KCNMA1: variants seen among roughly 807,000 people sequenced by gnomAD.
KCNMA1 encodes the protein potassium calcium-activated channel subfamily M alpha 1, also known as Calcium-activated potassium channel subunit alpha-1.
Under a neutral mutation model 140.0 loss-of-function variants are expected in KCNMA1, and 29 were observed. The observed-to-expected ratio is 0.21, with a 90% CI of 0.15 to 0.28. The LOEUF is 0.28. Ranked by LOEUF, KCNMA1 falls within the 10% of genes least tolerant of loss-of-function variation. KCNMA1 has a pLI of 1.00. For missense variants in KCNMA1, 880 were observed against 1,602.2 expected, an observed-to-expected ratio of 0.55 and a Z score of 7.70; for synonymous variants, 612 against 611.9, an observed-to-expected ratio of 1.00 and a Z score of 0.00.
At chr10:77,335,966 C>T (rs1234335428) in intron 2 of KCNMA1, among the ~76,000 whole-genome samples, 1 of 152,090 alleles carries the variant, frequency 6.6e-6, no homozygotes, top group African/African-American at 2.4e-5. Flanking sequence ...AGGTGAGAAA[C>T]TGGGATGGGA....
intron 18 of KCNMA1, among the ~76,000 whole-genome samples, chr10:77,007,357 C>A (rs2089175988): frequency 6.6e-6 from 1 of 152,048 alleles, no homozygotes; most frequent in South Asian, 2.1e-4. Flanking sequence ...TGGGTGTGTC[C>A]TACTGAGTAC....
chr10:77,382,292 T>C (rs2095417750), intron 2 of KCNMA1, among the ~76,000 whole-genome samples: 1 of 152,214 alleles, frequency 6.6e-6, no homozygotes, highest in Non-Finnish European at 1.5e-5. Flanking sequence ...CAACTCCTGC[T>C]ATGTGCTAGA....
chr10:77,480,401 G>T (rs1446244993), intron 1 of KCNMA1, among the ~76,000 whole-genome samples: 1 of 152,160 alleles, frequency 6.6e-6, no homozygotes, highest in Non-Finnish European at 1.5e-5. Context: ...AACCAGCCAC[G>T]TGATGGACCC....
At chr10:77,026,280 G>A (rs1466464200) in intron 16 of KCNMA1, among the ~76,000 whole-genome samples, 2 of 152,132 alleles carry the variant, frequency 1.3e-5, no homozygotes, top group South Asian at 2.1e-4. Context: ...CAGAATGGTC[G>A]AAAAACACTA....
At chr10:77,382,998 A>G (rs4980142) in intron 2 of KCNMA1, among the ~76,000 whole-genome samples, 5,682 of 37,406 alleles carry the variant, frequency 0.15, 131 homozygotes, top group East Asian at 0.26. Flanking sequence ...GTGTGTGTAT[A>G]TATATATATA....
chr10:77,373,713 T>C (rs1039343236), intron 2 of KCNMA1: 22 of 152,146 alleles, frequency 1.4e-4, no homozygotes, highest in Non-Finnish European at 1.2e-4. Context: ...ATCCCACTGA[T>C]GCAAAAAGAA....
intron 3 of KCNMA1, among the ~76,000 whole-genome samples, chr10:77,194,591 G>A (rs1346419813): frequency 1.3e-5 from 2 of 152,160 alleles, no homozygotes; most frequent in Non-Finnish European, 2.9e-5. Flanking sequence ...CCTGTTCTGA[G>A]TTCCGGACTG....
intron 3 of KCNMA1, among the ~76,000 whole-genome samples, chr10:77,234,484 A>G (rs945955525): frequency 6.6e-6 from 1 of 152,228 alleles, no homozygotes; most frequent in Non-Finnish European, 1.5e-5. Context: ...ATAAATATTT[A>G]TTGAGTTAAT....
At chr10:77,352,362 C>A (rs1045556174) in intron 2 of KCNMA1, among the ~76,000 whole-genome samples, 1 of 152,240 alleles carries the variant, frequency 6.6e-6, no homozygotes, top group Non-Finnish European at 1.5e-5. Flanking sequence ...ACACTACACT[C>A]ATGTGCCCAT....
intron 14 of KCNMA1, among the ~76,000 whole-genome samples, chr10:77,043,012 C>T (rs1565734743): frequency 6.6e-6 from 1 of 152,200 alleles, no homozygotes; most frequent in Non-Finnish European, 1.5e-5. Context: ...ATATATCTGA[C>T]TTTTACTGAT....
chr10:77,103,272 A>C (rs2097136577), intron 9 of KCNMA1, among the ~76,000 whole-genome samples: 1 of 152,238 alleles, frequency 6.6e-6, no homozygotes, highest in Non-Finnish European at 1.5e-5. Context: ...TGGAGACCAC[A>C]TCCGAGGTTG....
At chr10:77,014,760 G>T (rs985485047) in intron 17 of KCNMA1, among the ~76,000 whole-genome samples, 1 of 152,156 alleles carries the variant, frequency 6.6e-6, no homozygotes, top group African/African-American at 2.4e-5. Context: ...AAGGGTCGGG[G>T]GTGTCCATGG....
chr10:77,069,451 A>G (rs933014819), intron 14 of KCNMA1, among the ~76,000 whole-genome samples: 2 of 152,200 alleles, frequency 1.3e-5, no homozygotes, highest in African/African-American at 2.4e-5. Context: ...AATTAGCATA[A>G]GATTTGTTAA....
intron 14 of KCNMA1, among the ~76,000 whole-genome samples, chr10:77,062,967 T>G (rs1282724922): frequency 6.6e-6 from 1 of 152,198 alleles, no homozygotes; most frequent in Non-Finnish European, 1.5e-5. Flanking sequence ...ATCTTCCGAT[T>G]TCCTCCTCCC....
chr10:77,369,333 C>T (rs1269554628), intron 2 of KCNMA1, among the ~76,000 whole-genome samples: 1 of 152,144 alleles, frequency 6.6e-6, no homozygotes, highest in Non-Finnish European at 1.5e-5. Flanking sequence ...GAAGCCTAGA[C>T]CTCACTCAGA....
At chr10:76,898,716 T>C (rs1231238927) in intron 25 of KCNMA1, among the ~76,000 whole-genome samples, 1 of 151,914 alleles carries the variant, frequency 6.6e-6, no homozygotes, top group Admixed American at 6.6e-5. Context: ...TATTTTAAAA[T>C]TAAAGAATAT....
intron 2 of KCNMA1, among the ~76,000 whole-genome samples, chr10:77,320,068 G>T (rs999429271): frequency 6.6e-6 from 1 of 151,122 alleles, no homozygotes; most frequent in Admixed American, 6.6e-5. Context: ...GATTCTCCAG[G>T]TAACACAATC....
chr10:77,385,108 T>C (rs924667923), intron 2 of KCNMA1, among the ~76,000 whole-genome samples: 1 of 152,244 alleles, frequency 6.6e-6, no homozygotes, highest in African/African-American at 2.4e-5. Context: ...GATTTATATC[T>C]CATTCCATTT....
chr10:77,235,930 C>G (rs1376173098), intron 3 of KCNMA1, among the ~76,000 whole-genome samples: 2 of 152,156 alleles, frequency 1.3e-5, no homozygotes, highest in African/African-American at 4.8e-5. Context: ...ATAAAAGTGT[C>G]TTTTCCAGGG....
Sources: allele counts gnomAD v4.1 joint callset (sites outside exome capture counted in the v4.1 genomes callset), GRCh38; gene constraint gnomAD v4.1.1; transcripts MANE v1.5; gene names NCBI Gene and HGNC (gene_info 2026-07-23, HGNC 2026-07-21).